The following LDB3 variants were observed in gnomAD, a reference collection of about 807,000 sequenced individuals.
LDB3 encodes LIM domain binding 3.
A neutral mutation model predicts 69.0 loss-of-function variants in LDB3; 49 were observed. The ratio of observed to expected loss-of-function variants is 0.71; its 90% CI spans 0.56 to 0.90. The LOEUF is 0.90. Among genes scored for constraint, LDB3 ranks in the 40% least tolerant of loss-of-function variants. The pLI is 0.00. For synonymous variants in LDB3, 387 were observed against 396.2 expected (o/e 0.98, Z 0.28); for missense variants, 928 against 974.1 (o/e 0.95, Z 0.63).
intron 5 of LDB3, chr10:86,687,366 C>T (rs372115023): frequency 4.8e-6 from 6 of 1,248,562 alleles, no homozygotes; most frequent in Non-Finnish European, 7.0e-6. Flanking sequence ...TCTTCCCTCA[C>T]GTTGGACCTC....
chr10:86,680,610 C>T (rs1845061977), intron 4 of LDB3, among the ~76,000 whole-genome samples: 1 of 152,222 alleles, frequency 6.6e-6, no homozygotes. Flanking sequence ...AGATCTCTCC[C>T]TCTGGTTTCC....
chr10:86,698,199 A>G (rs184749621), intron 7 of LDB3, among the ~76,000 whole-genome samples: 142 of 152,380 alleles, frequency 9.3e-4, no homozygotes, highest in Middle Eastern at 3.4e-3. Context: ...GCATGGTACC[A>G]TTTAAGATTG....
At chr10:86,668,388 G>GCCC (rs1564625685), upstream of LDB3, 1 of 475,410 alleles carries the variant, frequency 2.1e-6, no homozygotes, top group Admixed American at 3.2e-5. Context: ...GGCTATATTA[G>GCCC]CCGTGTGAGT....
intron 8 of LDB3, among the ~76,000 whole-genome samples, chr10:86,708,465 CAGG>C (rs899654529): frequency 1.3e-5 from 2 of 152,094 alleles, no homozygotes; most frequent in Non-Finnish European, 2.9e-5. Context: ...GTCCCTGACT[CAGG>C]ACCTGTAGCT....
At chr10:86,719,137 A>G (rs1846986263) in intron 12 of LDB3, among the ~76,000 whole-genome samples, 1 of 152,144 alleles carries the variant, frequency 6.6e-6, no homozygotes, top group Non-Finnish European at 1.5e-5. Flanking sequence ...GGTGGCTCAC[A>G]CCTTAATCCC....
intron 7 of LDB3, among the ~76,000 whole-genome samples, chr10:86,700,992 A>G (rs1161033039): frequency 6.6e-6 from 1 of 152,224 alleles, no homozygotes; most frequent in Non-Finnish European, 1.5e-5. Flanking sequence ...CTGCCTGGGC[A>G]GAGGCTTTCC....
chr10:86,681,603 T>A lies in LDB3; in HGVS notation c.489T>A (p.Pro163=). ...TCGCCGAGGCCTCTGACCCTGGCCC[T>A]CCGCGGGCCAGCCTGAGGGCCAAGA... ...SSLAEASDPG[P]PRASLRAKTS... is the part of the protein sequence containing the mutation. Residue 163 remains proline, a synonymous_variant, in exon 5 of 14, where the codon CCT becomes CCA. Transcript: ENST00000361373. 1.2e-6 allele frequency: 2 copies of A among 1,612,852 alleles called. No individual in the cohort carries two copies. Among genetic ancestry groups the A allele is most frequent in the African/African-American group, 2.7e-5 (2 of 74,986 alleles).
rs753957717 is a variant in LDB3 at position 86,699,770 on chromosome 10, T to C, written c.897-6761T>C. 9.3e-7 allele frequency: 1 copy of C among 1,077,444 alleles called. No individual in the cohort carries two copies. The highest frequency in any genetic ancestry group is 1.1e-6 in the Non-Finnish European group (1 of 884,370). The allele number at this position is 1,077,444 out of a possible 1,614,324, so 66.7% of individuals were successfully genotyped here. A position where few individuals can be genotyped will look rare whatever the true frequency, so the allele number is the denominator to read the frequency against. On this transcript the variant is annotated intron_variant, in intron 7 of 13. Transcript: ENST00000361373. The surrounding 1 kb of genome is among the most constrained non-coding windows in gnomAD (Gnocchi z 4.9). ...ATCCTCAGCTCCTGGCCTCATCCCC[T>C]CCTAGAATGAGTCACCCGTAGATCA...
rs948905872 is a variant in LDB3, at chr10:86,700,149, A to C, written c.897-6382A>C. ...AGAGGACAGGCACCATCAGAAGAGG[A>C]GCAGGGGCTGTGTCCACCGGCCCCA... On this transcript the variant is annotated intron_variant, in intron 7 of 13. Coordinates refer to ENST00000361373, the MANE Select transcript of LDB3 (RefSeq NM_007078.3). The C allele has an allele frequency of 3.8e-6, 3 of 797,732 alleles. No individual in the cohort carries two copies. The African/African-American group carries it at 5.6e-5, about 15-fold the overall frequency. 49.4% of individuals were successfully genotyped at this position (797,732 alleles called of 1,614,324 possible).
At chr10:86,670,882 T>A (rs996135069) in intron 2 of LDB3, among the ~76,000 whole-genome samples, 5 of 152,328 alleles carry the variant, frequency 3.3e-5, no homozygotes, top group African/African-American at 1.2e-4. Context: ...GGTAGGCTGC[T>A]GATAGCCTGG....
chr10:86,708,361 A>AT (rs1846521874), intron 8 of LDB3, among the ~76,000 whole-genome samples: 1 of 152,202 alleles, frequency 6.6e-6, no homozygotes, highest in African/African-American at 2.4e-5. Context: ...GGGGGAGCCC[A>AT]TGGGAGGCAA....
chr10:86,687,120 G>A, intron 5 of LDB3: 2 of 1,614,172 alleles, frequency 1.2e-6, no homozygotes, highest in Non-Finnish European at 1.7e-6. Flanking sequence ...ACTCGGCCCT[G>A]TCCACCCACA....
chr10:86,711,011 G>A (rs1481813693), intron 9 of LDB3, among the ~76,000 whole-genome samples: 11 of 152,222 alleles, frequency 7.2e-5, no homozygotes, highest in Non-Finnish European at 1.6e-4. Context: ...AGGATAGACG[G>A]TTCTGAGGTG....
chr10:86,718,803 A>G lies in LDB3; in HGVS notation c.1934A>G (p.Asn645Ser). The G allele has an allele frequency of 6.2e-7, 1 of 1,614,104 alleles. No individual in the cohort carries two copies. Among genetic ancestry groups the G allele is most frequent in the Non-Finnish European group, 8.5e-7 (1 of 1,180,014 alleles). Residue 645 changes from asparagine to serine, a missense_variant, in exon 12 of 14, where the codon AAC becomes AGC. Asn to Ser is a conservative substitution (Grantham distance 46). Coordinates refer to ENST00000361373, the MANE Select transcript of LDB3 (RefSeq NM_007078.3). ...VCAACKKPFG[N>S]SLFHMEDGEP... The stretch of plus-strand genomic sequence containing the variant: ...GCGGCCTGCAAGAAGCCTTTTGGGA[A>G]CAGCCTCTTCCACATGGAAGACGGG...
chr10:86,674,116 G>A (rs1253292560), intron 2 of LDB3, among the ~76,000 whole-genome samples: 1 of 152,148 alleles, frequency 6.6e-6, no homozygotes, highest in Non-Finnish European at 1.5e-5. Context: ...TGTGGAGCCC[G>A]GGGATGTAGC....
At chr10:86,687,360 C>A in intron 5 of LDB3, 1 of 1,337,660 alleles carries the variant, frequency 7.5e-7, no homozygotes, top group African/African-American at 1.4e-5. Context: ...CAGCTTTCTT[C>A]CCTCACGTTG....
At position 86,683,055 on chromosome 10, in the gene LDB3, G is replaced by A. The variant is rs1031388655; in HGVS notation, c.689+1252G>A. On this transcript the variant is annotated intron_variant, in intron 5 of 13. Transcript: ENST00000361373. ...ATGCCCCCAGGGTTCCCCAGCAAAG[G>A]ACTTTTGCCAGAAAACTCAGGGAAT... is the stretch of plus-strand genomic sequence containing the variant. Among the ~76,000 whole-genome samples the A allele has an allele frequency of 2.0e-5, 3 of 152,122 alleles. No individual in the cohort carries two copies. In the East Asian group the frequency reaches 5.8e-4, roughly 29 times the overall value.
chr10:86,667,756 C>A (rs1844235609), upstream of LDB3, among the ~76,000 whole-genome samples: 1 of 152,212 alleles, frequency 6.6e-6, no homozygotes, highest in Non-Finnish European at 1.5e-5. Flanking sequence ...AGGGGATGGG[C>A]CTGCCTCAGA....
At chr10:86,702,998 C>A (rs1356790965) in intron 7 of LDB3, among the ~76,000 whole-genome samples, 1 of 152,194 alleles carries the variant, frequency 6.6e-6, no homozygotes, top group Non-Finnish European at 1.5e-5. Flanking sequence ...ACATCCAGCT[C>A]CAACTTCATG....
Sources: gnomAD v4.1 joint callset for allele counts (sites outside exome capture counted in the v4.1 genomes callset) on GRCh38, gnomAD v4.1.1 for gene constraint, Gnocchi (gnomAD v3.1) non-coding constraint, MANE v1.5 for transcripts, NCBI Gene and HGNC (gene_info 2026-07-23, HGNC 2026-07-21) for gene names.